Variants in FAT1 observed in about 807,000 individuals in gnomAD.
The protein encoded by FAT1 is FAT atypical cadherin 1, also known as protocadherin Fat 1.
A neutral mutation model predicts 329.8 loss-of-function variants in FAT1; 171 were observed. The observed-to-expected ratio is 0.52, with a 90% confidence interval of 0.46 to 0.59. FAT1 has a LOEUF of 0.59. FAT1 is among the 20% of genes least tolerant of loss of function. The pLI, the probability that FAT1 is intolerant of heterozygous loss-of-function variation, is 0.00. For synonymous variants in FAT1, 2,233 were observed against 2,228.6 expected (o/e 1.00, Z -0.06); for missense variants, 5,672 against 5,774.4 (o/e 0.98, Z 0.57).
At chr4:186,601,890 G>A (rs1738834489) in intron 20 of FAT1, among the ~76,000 whole-genome samples, 1 of 152,046 alleles carries the variant, frequency 6.6e-6, no homozygotes, top group Non-Finnish European at 1.5e-5. Context: ...ATGACAAGAG[G>A]CATACTTAAC....
At position 186,705,227 on chromosome 4, in the gene FAT1, A is replaced by G. The variant is rs1202234362; in HGVS notation, c.3265+1336T>C. 8.6e-4 allele frequency among the ~76,000 whole-genome samples: 131 copies of G among 151,620 alleles called. 1 individual carries two copies. The highest frequency in any genetic ancestry group is 1.5e-4 in the Non-Finnish European group (10 of 67,974). ...CCAAAGTGCTGCGATTACAGGCGTG[A>G]GCCATCGCACCCAGCCCAAAATAAT... is the stretch of plus-strand genomic sequence containing the variant. On this transcript the variant is annotated intron_variant, in intron 2 of 26. Coordinates refer to ENST00000441802, the MANE Select transcript of FAT1 (RefSeq NM_005245.4).
Position 186,589,064 on chromosome 4 carries a change from T to C in FAT1, c.13295A>G (p.Glu4432Gly). ...TDYYPGGYDI[E>G]SDFPPPPEDF... ...TTCTGGGGGTGGAGGAAAATCACTTTCGATGTCGTAGCCTCCAGGGTAATA... is the reference window on the plus strand; with the variant it reads ...TTCTGGGGGTGGAGGAAAATCACTTCCGATGTCGTAGCCTCCAGGGTAATA... Residue 4432 changes from glutamate to glycine, a missense_variant, in exon 27 of 27, where the codon GAA becomes GGA. Coordinates refer to ENST00000441802, the MANE Select transcript of FAT1 (RefSeq NM_005245.4). 1 of 1,613,906 alleles carries C rather than the reference T, an allele frequency of 6.2e-7. No individual in the cohort carries two copies. The highest frequency in any genetic ancestry group is 8.5e-7 in the Non-Finnish European group (1 of 1,179,886).
chr4:186,603,650 C>T lies in FAT1; in HGVS notation c.10876G>A (p.Asp3626Asn), dbSNP rs753458608. 74 of 1,613,848 alleles carry T rather than the reference C, an allele frequency of 4.6e-5. No homozygotes were observed. The highest frequency in any genetic ancestry group is 2.5e-4 in the South Asian group (23 of 91,094). The change falls in exon 19 of 27, where the codon GAC (aspartate) becomes AAC (asparagine). Residue 3626 changes from aspartate to asparagine, a missense_variant. Physicochemically the swap from Asp to Asn is conservative, Grantham distance 23. Transcript: ENST00000441802. ...ACTTGTCTGATATGCACTGTGATGT[C>T]GGCCACCGTCGTGAACTTCCCATCT... ...VTDGKFTTVA[D>N]ITVHIRQVTQ...
intron 3 of FAT1, among the ~76,000 whole-genome samples, chr4:186,649,883 A>C (rs1741553874): frequency 6.6e-6 from 1 of 152,248 alleles, no homozygotes; most frequent in South Asian, 2.1e-4. Context: ...CTGGATATAC[A>C]TACTAATACA....
chr4:186,589,142 A>G lies in FAT1; in HGVS notation c.13217T>C (p.Ile4406Thr), dbSNP rs372355349. 3.5e-5 allele frequency: 57 copies of G among 1,613,900 alleles called. No individual in the cohort carries two copies. The African/African-American group carries it at 5.3e-4, about 15-fold the overall frequency. The change falls in exon 27 of 27, where the codon ATT becomes ACT. Residue 4406 changes from isoleucine to threonine, a missense_variant. Coordinates refer to ENST00000441802, the MANE Select transcript of FAT1 (RefSeq NM_005245.4). ...DIQEFPNYEVIDEQTPLYSAD... is the reference protein window; with the variant it reads ...DIQEFPNYEVTDEQTPLYSAD... ...TGAGTACAGGGGTGTCTGCTCATCA[A>G]TCACCTCATAGTTGGGGAACTCTTG...
chr4:186,589,264 C>A (rs1336410065), intron 26 of FAT1, 44 bp from the exon 27 acceptor site: 2 of 1,544,808 alleles, frequency 1.3e-6, no homozygotes, highest in African/African-American at 1.4e-5. Context: ...TTCTCCTAAG[C>A]TTTTGTGCCA....
rs2304865 is a variant in FAT1 at position 186,604,209 on chromosome 4, C to G, written c.10548+168G>C. 0.28 allele frequency among the ~76,000 whole-genome samples: 43,235 copies of G among 152,010 alleles called. 6,683 individuals carry two copies. Among genetic ancestry groups the G allele is most frequent in the East Asian group, 0.4 (2,065 of 5,162 alleles). ...TGACAGAATCAACAATGAGCTCCTT[C>G]AAACACAGCGGGATAAAAATGGAAG... On this transcript the variant is annotated intron_variant, in intron 18 of 26. Transcript: ENST00000441802.
intron 9 of FAT1, among the ~76,000 whole-genome samples, chr4:186,627,038 G>A (rs1343939116): frequency 1.0e-5 from 1 of 95,686 alleles, no homozygotes; most frequent in Non-Finnish European, 1.9e-5. Context: ...ATGAATGAGG[G>A]ACCAACATGG....
At chr4:186,686,942 G>A (rs1263440756) in intron 2 of FAT1, among the ~76,000 whole-genome samples, 1 of 152,110 alleles carries the variant, frequency 6.6e-6, no homozygotes, top group East Asian at 1.9e-4. Context: ...CAGCGAAAAC[G>A]AAAAATTCAA....
At chr4:186,666,288 T>C (rs894474635) in intron 2 of FAT1, among the ~76,000 whole-genome samples, 4 of 152,156 alleles carry the variant, frequency 2.6e-5, no homozygotes, top group Admixed American at 6.5e-5. Context: ...AACTCAAACA[T>C]GCTTCCCTGT....
intron 3 of FAT1, among the ~76,000 whole-genome samples, chr4:186,649,858 T>C (rs1333390372): frequency 6.6e-6 from 1 of 152,228 alleles, no homozygotes; most frequent in South Asian, 2.1e-4. Context: ...GTTTAACATA[T>C]ACAATCTGAT....
chr4:186,596,378 C>T lies in FAT1; in HGVS notation c.13000+162G>A, dbSNP rs1738511627. On this transcript the variant is annotated intron_variant, in intron 25 of 26. Coordinates refer to ENST00000441802, the MANE Select transcript of FAT1 (RefSeq NM_005245.4). This position sits in a 1 kb window ranked among gnomAD's most constrained non-coding sequence, Gnocchi z 4.7. ...ATAACATCAAAGCCACAATGCTAAC[C>T]CAGCAATCGGGACATCCAAAAAAGT... Among the ~76,000 whole-genome samples the T allele has an allele frequency of 6.6e-6, 1 of 152,142 alleles. No individual in the cohort carries two copies.
rs1222936690 is a variant in FAT1, at chr4:186,588,009, G to A, written c.*583C>T. On this transcript the variant is annotated 3_prime_UTR_variant, in exon 27 of 27. Transcript: ENST00000441802. ...AAATACAGCAACCCATGTAAGACAT[G>A]TTCATGTATCTGATCTCTCCTTCAT... is the stretch of plus-strand genomic sequence containing the variant. 8.3e-5 allele frequency: 18 copies of A among 216,714 alleles called. No individual in the cohort carries two copies. 13.4% of individuals were successfully genotyped at this position (216,714 alleles called of 1,614,324 possible).
chr4:186,671,435 T>C (rs1163039660), intron 2 of FAT1, among the ~76,000 whole-genome samples: 1 of 152,156 alleles, frequency 6.6e-6, no homozygotes, highest in Non-Finnish European at 1.5e-5. Flanking sequence ...TGGTGGCTCA[T>C]GCCTGTAATC....
chr4:186,599,792 A>C, intron 22 of FAT1, 106 bp downstream of exon 22: 1 of 905,310 alleles, frequency 1.1e-6, no homozygotes. Context: ...GTGTCTGACA[A>C]AATTATCTGA....
intron 8 of FAT1, 31 bp from the exon 9 acceptor site, chr4:186,628,395 T>C (rs1307464412): frequency 1.2e-6 from 2 of 1,610,364 alleles, no homozygotes; most frequent in East Asian, 2.2e-5. Context: ...ATCAATCCCA[T>C]TGGTGCTTTC....
chr4:186,700,507 G>A (rs1744255288), intron 2 of FAT1, among the ~76,000 whole-genome samples: 1 of 152,106 alleles, frequency 6.6e-6, no homozygotes, highest in Non-Finnish European at 1.5e-5. Flanking sequence ...GAGTAAAAAT[G>A]CTGGAAGATT....
At position 186,620,202 on chromosome 4, in the gene FAT1, T is replaced by A. The variant is rs1739964544; in HGVS notation, c.6384A>T (p.Gln2128His). The change falls in exon 10 of 27, where the codon CAA becomes CAT. Residue 2128 changes from glutamine (Q) to histidine (H), a missense_variant. Gln to His is a conservative substitution (Grantham distance 24). Around this residue, in one of 2 missense-constraint regions of FAT1, gnomAD observed 3,966 missense variants for 3,915.2 expected, o/e 1.01. Transcript: ENST00000441802. The stretch of plus-strand genomic sequence containing the variant: ...GTGAAATTTCACCCAAGGGTCCAAT[T>A]TGAAAGTGTTCATGATGTTCCTTGA... ...YYLKEHHEHF[Q>H]IGPLGEISLK... 1 of 1,614,030 alleles carries A rather than the reference T, an allele frequency of 6.2e-7. No homozygotes were observed. The highest frequency in any genetic ancestry group is 8.5e-7 in the Non-Finnish European group (1 of 1,179,900).
intron 2 of FAT1, among the ~76,000 whole-genome samples, chr4:186,687,226 AC>A (rs1743509450): frequency 1.3e-5 from 2 of 152,078 alleles, no homozygotes; most frequent in South Asian, 4.2e-4. Context: ...ACTAACAACC[AC>A]TGTTTCAATT....
Sources: gnomAD v4.1 joint callset for allele counts (sites outside exome capture counted in the v4.1 genomes callset) on GRCh38, gnomAD v4.1.1 for gene constraint, gnomAD v4.1.1 regional missense constraint, Gnocchi (gnomAD v3.1) non-coding constraint, MANE v1.5 for transcripts, NCBI Gene and HGNC (gene_info 2026-07-23, HGNC 2026-07-21) for gene names.